TAF3: variants seen among roughly 807,000 people sequenced by gnomAD.
TAF3 encodes TATA-box binding protein associated factor 3.
In TAF3, 7 loss-of-function variants were observed where a neutral mutation model predicts 80.6. That is an observed-to-expected ratio of 0.09 (90% CI 0.05 to 0.16). The LOEUF (loss-of-function observed/expected upper bound fraction) is 0.16. Ranked by LOEUF, TAF3 falls within the 10% of genes least tolerant of loss-of-function variation. TAF3 has a pLI of 1.00. For synonymous variants in TAF3, 444 were observed against 446.1 expected, an observed-to-expected ratio of 1.00 and a Z score of 0.06; for missense variants, 921 against 1,140.2, an observed-to-expected ratio of 0.81 and a Z score of 2.77.
At chr10:7,980,839 G>T (rs1376290628) in intron 4 of TAF3, among the ~76,000 whole-genome samples, 1 of 152,200 alleles carries the variant, frequency 6.6e-6, no homozygotes, top group Admixed American at 6.5e-5. Flanking sequence ...GCCAGGGCAG[G>T]TGGCAAAGCA....
chr10:7,934,069 C>T (rs563341678), intron 2 of TAF3, among the ~76,000 whole-genome samples: 5 of 152,220 alleles, frequency 3.3e-5, no homozygotes, highest in African/African-American at 7.2e-5. Context: ...CTCTCGATAG[C>T]GTAGAGATTG....
At chr10:7,866,589 G>A (rs10905240) in intron 2 of TAF3, among the ~76,000 whole-genome samples, 53,186 of 152,088 alleles carry the variant, frequency 0.35, 10,325 homozygotes, top group Admixed American at 0.48. Flanking sequence ...CTGAGGGAGC[G>A]TGGCGTAAGA....
intron 2 of TAF3, among the ~76,000 whole-genome samples, chr10:7,913,212 C>T (rs945410813): frequency 6.6e-6 from 1 of 152,180 alleles, no homozygotes; most frequent in African/African-American, 2.4e-5. Context: ...CCTGTGTCTA[C>T]ATACAGGCAC....
Position 7,978,026 on chromosome 10 carries a change from A to AT in TAF3, c.2315+714dup, listed in dbSNP as rs796557302. ...ATCCTAATAAGATAATGAAACATTGATTTTTTTTTTTGGAACTCATGTTGA... is the reference window on the plus strand; with the variant it reads ...ATCCTAATAAGATAATGAAACATTGATTTTTTTTTTTTGGAACTCATGTTGA... On this transcript the variant is annotated intron_variant, in intron 4 of 6. Transcript: ENST00000344293. Among the ~76,000 whole-genome samples the AT allele has an allele frequency of 6.7e-3, 992 of 148,396 alleles. 11 individuals are homozygous for AT. Among genetic ancestry groups the AT allele is most frequent in the African/African-American group, 0.022 (896 of 40,690 alleles).
chr10:7,858,201 T>C (rs931563223), intron 2 of TAF3, among the ~76,000 whole-genome samples: 1 of 152,232 alleles, frequency 6.6e-6, no homozygotes, highest in Non-Finnish European at 1.5e-5. Flanking sequence ...TAAGAATCAC[T>C]GTCTTTTCCC....
intron 2 of TAF3, among the ~76,000 whole-genome samples, chr10:7,844,678 C>G (rs1405196281): frequency 6.6e-6 from 1 of 152,052 alleles, no homozygotes; most frequent in Non-Finnish European, 1.5e-5. Context: ...GCCTGGCCAG[C>G]TTTTCTTCTT....
chr10:7,977,189 A>T, intron 3 of TAF3, 52 bp from the exon 4 acceptor site: 1 of 1,539,170 alleles, frequency 6.5e-7, no homozygotes, highest in Non-Finnish European at 9.0e-7. Flanking sequence ...AAGTGGTAGG[A>T]GGTACTTTTG....
intron 5 of TAF3, 137 bp from the exon 6 acceptor site, chr10:8,013,594 T>A (rs1342133897): frequency 5.0e-6 from 3 of 604,992 alleles, no homozygotes; most frequent in Non-Finnish European, 8.8e-6. Context: ...ATTAATGAAG[T>A]GCTGATCTAC....
At chr10:7,879,485 A>G (rs1379762710) in intron 2 of TAF3, among the ~76,000 whole-genome samples, 1 of 152,232 alleles carries the variant, frequency 6.6e-6, no homozygotes, top group Admixed American at 6.5e-5. Context: ...AAAAGGAACA[A>G]CAGTGAACTG....
chr10:8,008,341 CA>C (rs1157373741), intron 4 of TAF3, among the ~76,000 whole-genome samples: 3 of 152,006 alleles, frequency 2.0e-5, no homozygotes, highest in Admixed American at 1.3e-4. Context: ...TCAGGTAATC[CA>C]CCCACCTCGG....
chr10:7,999,904 C>T (rs1249458618), intron 4 of TAF3, among the ~76,000 whole-genome samples: 1 of 152,246 alleles, frequency 6.6e-6, no homozygotes, highest in East Asian at 1.9e-4. Context: ...TCACTCAGAG[C>T]TTTGAATTTC....
At chr10:7,950,278 T>C (rs547799883) in intron 2 of TAF3, among the ~76,000 whole-genome samples, 3 of 152,194 alleles carry the variant, frequency 2.0e-5, no homozygotes, top group Non-Finnish European at 4.4e-5. Flanking sequence ...TAGAGAAATA[T>C]AGAACGACCC....
intron 3 of TAF3, among the ~76,000 whole-genome samples, chr10:7,967,120 C>T (rs1318180265): frequency 6.6e-6 from 1 of 152,150 alleles, no homozygotes; most frequent in Non-Finnish European, 1.5e-5. Context: ...AGTGACTTGT[C>T]CAAGATCAGG....
intron 2 of TAF3, among the ~76,000 whole-genome samples, chr10:7,861,064 C>T (rs895577996): frequency 6.6e-6 from 1 of 151,924 alleles, no homozygotes; most frequent in African/African-American, 2.4e-5. Context: ...TGGGTTCATG[C>T]CATTCTCCTG....
At chr10:7,949,968 C>T (rs1282219882) in intron 2 of TAF3, among the ~76,000 whole-genome samples, 2 of 152,194 alleles carry the variant, frequency 1.3e-5, no homozygotes, top group African/African-American at 2.4e-5. Flanking sequence ...CAGAGATGCA[C>T]ATTTTTGTTT....
rs1801565842 is a variant in TAF3, at chr10:7,965,025, C to T, written c.1515C>T (p.Leu505=). 1.9e-6 allele frequency: 3 copies of T among 1,614,058 alleles called. No individual in the cohort carries two copies. Among genetic ancestry groups the T allele is most frequent in the African/African-American group, 2.7e-5 (2 of 75,036 alleles). The part of the protein sequence containing the change: ...PSVSPPTPEP[L]HKVYEEKTKL... Reference sequence around the variant, plus strand: ...TGTCTCCTCCCACTCCCGAACCTCTCCACAAGGTGTATGAGGAGAAAACCA... The same window carrying T: ...TGTCTCCTCCCACTCCCGAACCTCTTCACAAGGTGTATGAGGAGAAAACCA... Residue 505 remains leucine (L), a synonymous_variant, in exon 3 of 7, where the codon CTC becomes CTT. Transcript: ENST00000344293.
chr10:7,977,218 C>T (rs752662427), intron 3 of TAF3, 23 bp from the exon 4 acceptor site: 7 of 1,612,582 alleles, frequency 4.3e-6, no homozygotes, highest in South Asian at 3.3e-5. Context: ...CCATATTGAA[C>T]TTTAATGTGC....
chr10:7,935,795 C>G (rs151187824), intron 2 of TAF3, among the ~76,000 whole-genome samples: 3 of 152,150 alleles, frequency 2.0e-5, no homozygotes, highest in African/African-American at 7.2e-5. Context: ...AGGCTGAAGA[C>G]TTCTCATTGA....
intron 2 of TAF3, among the ~76,000 whole-genome samples, chr10:7,920,759 T>G (rs1193149284): frequency 2.0e-5 from 3 of 152,208 alleles, no homozygotes; most frequent in African/African-American, 7.2e-5. Context: ...GGGCAAAACA[T>G]TCTTGAAATA....
Sources: gnomAD v4.1 joint callset for allele counts (sites outside exome capture counted in the v4.1 genomes callset) on GRCh38, gnomAD v4.1.1 for gene constraint, MANE v1.5 for transcripts, NCBI Gene and HGNC (gene_info 2026-07-23, HGNC 2026-07-21) for gene names.